DNAJC13: variants seen among roughly 807,000 people sequenced by gnomAD.
DNAJC13 encodes the protein dnaJ homolog subfamily C member 13.
A neutral mutation model predicts 290.5 loss-of-function variants in DNAJC13; 75 were observed. The observed-to-expected ratio is 0.26, with a 90% CI of 0.21 to 0.31. DNAJC13 has a LOEUF of 0.31. Among genes scored for constraint, DNAJC13 ranks in the 10% least tolerant of loss-of-function variants. The probability of loss-of-function intolerance (pLI) is 1.00; values close to 1 mark genes in which losing one functional copy is unlikely to be tolerated. For synonymous variants in DNAJC13, 862 were observed against 892.0 expected (o/e 0.97, Z 0.60); for missense variants, 2,260 against 2,674.5 (o/e 0.85, Z 3.42).
chr3:132,463,463 A>G lies in DNAJC13; in HGVS notation c.1771-233A>G, dbSNP rs536727037. Among the ~76,000 whole-genome samples, 3 of 152,302 alleles carry G rather than the reference A, an allele frequency of 2.0e-5. No homozygotes were observed. The East Asian group carries it at 5.8e-4, about 29-fold the overall frequency. On this transcript the variant is annotated intron_variant, in intron 16 of 55. Coordinates refer to ENST00000260818, the MANE Select transcript of DNAJC13 (RefSeq NM_015268.4). Reference sequence around the variant, plus strand: ...GTTTTAATATTAAGTTTAGCAAAGCATAGTTTATGAGGTAAATTTGTCTGG... The same window carrying G: ...GTTTTAATATTAAGTTTAGCAAAGCGTAGTTTATGAGGTAAATTTGTCTGG...
At chr3:132,528,401 C>G in intron 54 of DNAJC13, 69 bp downstream of exon 54, 3 of 1,560,698 alleles carry the variant, frequency 1.9e-6, no homozygotes, top group Non-Finnish European at 2.6e-6. Flanking sequence ...GGTCCACGTA[C>G]CTGTGTTCAA....
chr3:132,463,383 C>T (rs942764121), intron 16 of DNAJC13, among the ~76,000 whole-genome samples: 1 of 152,178 alleles, frequency 6.6e-6, no homozygotes, highest in African/African-American at 2.4e-5. Flanking sequence ...ACAGAGCTTG[C>T]GATAGCCAAG....
At chr3:132,451,041 A>G (rs1283644854) in intron 6 of DNAJC13, among the ~76,000 whole-genome samples, 194 bp downstream of exon 6, 1 of 152,112 alleles carries the variant, frequency 6.6e-6, no homozygotes, top group Non-Finnish European at 1.5e-5. Context: ...GAGAGTGAGG[A>G]TCTGGTGAGA....
intron 2 of DNAJC13, among the ~76,000 whole-genome samples, chr3:132,435,804 G>T (rs531946109): frequency 6.6e-6 from 1 of 152,070 alleles, no homozygotes; most frequent in South Asian, 2.1e-4. Flanking sequence ...TATGACTTCC[G>T]TTTTTAATAT....
chr3:132,498,922 T>C (rs1935322839), intron 36 of DNAJC13, among the ~76,000 whole-genome samples: 1 of 152,100 alleles, frequency 6.6e-6, no homozygotes, highest in African/African-American at 2.4e-5. Context: ...TTCACTGTGT[T>C]AGCCAGGATG....
intron 1 of DNAJC13, among the ~76,000 whole-genome samples, chr3:132,418,121 C>G (rs1056172161): frequency 9.2e-5 from 14 of 152,196 alleles, no homozygotes; most frequent in African/African-American, 3.4e-4. Context: ...CTAGTCTGAG[C>G]ACCCTTCCTG....
At chr3:132,469,209 T>A (rs1403174994) in intron 20 of DNAJC13, among the ~76,000 whole-genome samples, 2 of 152,240 alleles carry the variant, frequency 1.3e-5, no homozygotes, top group Non-Finnish European at 2.9e-5. Context: ...GCAAATAATC[T>A]TTGTGACTAT....
intron 42 of DNAJC13, among the ~76,000 whole-genome samples, chr3:132,506,429 T>C (rs1477194760): frequency 1.3e-5 from 2 of 151,958 alleles, no homozygotes. Flanking sequence ...TCTATACTTT[T>C]ACATGTTATT....
At chr3:132,528,696 G>A (rs1388943082) in intron 54 of DNAJC13, among the ~76,000 whole-genome samples, 3 of 152,078 alleles carry the variant, frequency 2.0e-5, no homozygotes, top group Non-Finnish European at 4.4e-5. Context: ...ATCCCATAAT[G>A]CTATTTTAAA....
At chr3:132,462,657 T>G in intron 16 of DNAJC13, 134 bp downstream of exon 16, 1 of 562,490 alleles carries the variant, frequency 1.8e-6, no homozygotes, top group Non-Finnish European at 3.0e-6. Context: ...TTTTAAATCT[T>G]TATTATAAAT....
At position 132,475,247 on chromosome 3, in the gene DNAJC13, A is replaced by G. The variant is rs542418924; in HGVS notation, c.2445+162A>G. ...TGGAAAACTTTAATCTGTGTGTCAG[A>G]CAAAAATAAAAAAATTTTGTTTAGT... On this transcript the variant is annotated intron_variant, in intron 22 of 55. Transcript: ENST00000260818. Among the ~76,000 whole-genome samples the G allele has an allele frequency of 7.9e-5, 12 of 152,314 alleles. No individual in the cohort carries two copies. The South Asian group carries it at 2.5e-3, about 32-fold the overall frequency.
At chr3:132,533,390 C>T (rs1025775315) in intron 55 of DNAJC13, among the ~76,000 whole-genome samples, 1 of 136,906 alleles carries the variant, frequency 7.3e-6, no homozygotes, top group African/African-American at 2.8e-5. Context: ...GGCTGGAGTA[C>T]TACAGCATGA....
In DNAJC13 at chr3:132,481,128, A is replaced by C. The variant is rs183722369; in HGVS notation, c.2874+658A>C. The stretch of plus-strand genomic sequence containing the variant: ...GAGGAAACTAAGGAACACAGAGGCT[A>C]TCTTGCCCAAGGTCACCTGATAAGT... On this transcript the variant is annotated intron_variant, in intron 26 of 55. Transcript: ENST00000260818. 3.7e-3 allele frequency among the ~76,000 whole-genome samples: 558 copies of C among 152,336 alleles called. 4 individuals carry two copies. The highest frequency in any genetic ancestry group is 0.017 in the South Asian group (80 of 4,828).
At chr3:132,479,076 C>T (rs1349045027) in intron 24 of DNAJC13, 151 bp from the exon 25 acceptor site, 3 of 516,474 alleles carry the variant, frequency 5.8e-6, no homozygotes, top group Non-Finnish European at 1.0e-5. Context: ...TAAGGAATTG[C>T]AATAATTGAC....
At chr3:132,514,959 T>TG in intron 46 of DNAJC13, 1 of 289,420 alleles carries the variant, frequency 3.5e-6, no homozygotes, top group Non-Finnish European at 6.5e-6. Flanking sequence ...TAACTAATAT[T>TG]TCATGGTTTA....
chr3:132,514,833 T>G, intron 46 of DNAJC13, 163 bp downstream of exon 46: 1 of 570,468 alleles, frequency 1.8e-6, no homozygotes, highest in Non-Finnish European at 3.0e-6. Flanking sequence ...CATACGTTAC[T>G]GTCTTGCATT....
chr3:132,500,531 T>C (rs1935374919), intron 38 of DNAJC13, among the ~76,000 whole-genome samples: 1 of 152,194 alleles, frequency 6.6e-6, no homozygotes, highest in East Asian at 1.9e-4. Context: ...TAAAAACCAT[T>C]CTTAGCTCTT....
At chr3:132,454,302 C>A in intron 9 of DNAJC13, 145 bp downstream of exon 9, 1 of 601,184 alleles carries the variant, frequency 1.7e-6, no homozygotes, top group South Asian at 2.2e-5. Context: ...TAAAATGACC[C>A]TCCCATTTTC....
At chr3:132,476,303 C>G (rs1042348380) in intron 22 of DNAJC13, among the ~76,000 whole-genome samples, 9 of 152,234 alleles carry the variant, frequency 5.9e-5, no homozygotes, top group Non-Finnish European at 1.3e-4. Flanking sequence ...ACTTCTCTTA[C>G]AGTCTTTATG....
Sources: allele counts gnomAD v4.1 joint callset (sites outside exome capture counted in the v4.1 genomes callset), GRCh38; gene constraint gnomAD v4.1.1; transcripts MANE v1.5; gene names NCBI Gene and HGNC (gene_info 2026-07-23, HGNC 2026-07-21).